CYB5R2: variants seen among roughly 807,000 people sequenced by gnomAD.
CYB5R2 encodes the protein NADH-cytochrome b5 reductase 2.
A neutral mutation model predicts 29.8 loss-of-function variants in CYB5R2; 35 were observed. That is an observed-to-expected ratio of 1.17 (90% CI 0.90 to 1.56). The LOEUF (loss-of-function observed/expected upper bound fraction) is 1.56. CYB5R2 is among the 40% of genes most tolerant of loss of function. CYB5R2 has a pLI of 0.00. For synonymous variants in CYB5R2, 169 were observed against 130.6 expected, an observed-to-expected ratio of 1.29 and a Z score of -2.01; for missense variants, 419 against 346.7, an observed-to-expected ratio of 1.21 and a Z score of -1.66.
intron 7 of CYB5R2, 133 bp from the exon 8 acceptor site, chr11:7,666,683 G>A (rs931780169): frequency 1.7e-5 from 10 of 584,156 alleles, no homozygotes; most frequent in African/African-American, 9.4e-5. Flanking sequence ...CAACTCCCAC[G>A]GCAAACAAGA....
intron 6 of CYB5R2, 131 bp from the exon 7 acceptor site, chr11:7,667,944 G>T (rs1855429841): frequency 2.8e-6 from 2 of 714,594 alleles, no homozygotes; most frequent in East Asian, 5.3e-5. Context: ...AAAACTCAAA[G>T]CAGGAAACAG....
In CYB5R2 at chr11:7,665,514, C is replaced by CA; in HGVS notation, c.690_691insT (p.Asp231Ter). The CA allele has an allele frequency of 6.2e-7, 1 of 1,612,356 alleles. No individual in the cohort carries two copies. Among genetic ancestry groups the CA allele is most frequent in the Non-Finnish European group, 8.5e-7 (1 of 1,179,302 alleles). On this transcript the variant is annotated frameshift_variant, in exon 9 of 9. Coordinates refer to ENST00000299498, the MANE Select transcript of CYB5R2 (RefSeq NM_016229.5). LOFTEE classifies it high-confidence loss of function. ...GGAGGAAGGTGCTCCTTGATCATGTCGGCAGTAACGAAGCCTGAGCTGTAC... is the reference window on the plus strand; with the variant it reads ...GGAGGAAGGTGCTCCTTGATCATGTCAGGCAGTAACGAAGCCTGAGCTGTAC...
At chr11:7,669,869 A>G in intron 3 of CYB5R2, 138 bp from the exon 4 acceptor site, 1 of 700,020 alleles carries the variant, frequency 1.4e-6, no homozygotes, top group Non-Finnish European at 2.5e-6. Context: ...AGAGCAGGGA[A>G]GGAACCCAAA....
chr11:7,673,606 C>T (rs561178248), upstream of CYB5R2: 26 of 985,410 alleles, frequency 2.6e-5, no homozygotes, highest in East Asian at 2.5e-3. Flanking sequence ...CCCGGTCGGA[C>T]GTTCGTTCCC....
At chr11:7,672,917 A>C in intron 1 of CYB5R2, 26 bp from the exon 2 acceptor site, 1 of 1,597,748 alleles carries the variant, frequency 6.3e-7, no homozygotes, top group Non-Finnish European at 8.5e-7. Flanking sequence ...TGAACAGAGC[A>C]CCTCAGGTCT....
chr11:7,668,125 G>T (rs1298546846), intron 6 of CYB5R2, among the ~76,000 whole-genome samples: 2 of 152,232 alleles, frequency 1.3e-5, no homozygotes, highest in African/African-American at 4.8e-5. Context: ...CTGGCACATT[G>T]TATGTCTCCT....
Position 7,665,419 on chromosome 11 carries a change from G to C in CYB5R2, c.786C>G (p.Asn262Lys). 6.2e-7 allele frequency: 1 copy of C among 1,610,448 alleles called. No individual in the cohort carries two copies. Among genetic ancestry groups the C allele is most frequent in the Non-Finnish European group, 8.5e-7 (1 of 1,178,606 alleles). The change falls in exon 9 of 9, where the codon AAC becomes AAG. Residue 262 changes from asparagine to lysine, a missense_variant. Asn to Lys is a moderately conservative substitution (Grantham distance 94). Coordinates refer to ENST00000299498, the MANE Select transcript of CYB5R2 (RefSeq NM_016229.5). ...CCTGGGTATAACCCAGCTTCTCCAGGTTAGGGTGAGCCGCCGTCTGGATTA... is the reference window on the plus strand; with the variant it reads ...CCTGGGTATAACCCAGCTTCTCCAGCTTAGGGTGAGCCGCCGTCTGGATTA... ...PPLIQTAAHPNLEKLGYTQDM... is the reference protein window; with the variant it reads ...PPLIQTAAHPKLEKLGYTQDM...
chr11:7,673,075 T>G, intron 1 of CYB5R2, 184 bp from the exon 2 acceptor site: 2 of 556,300 alleles, frequency 3.6e-6, no homozygotes, highest in Non-Finnish European at 6.2e-6. Flanking sequence ...GACCAGAGGG[T>G]AGGGAGGGGT....
At chr11:7,674,139 G>T (rs1855940288), upstream of CYB5R2, 15 of 1,221,278 alleles carry the variant, frequency 1.2e-5, no homozygotes, top group South Asian at 2.0e-4. Flanking sequence ...GGAGAAGGCC[G>T]TCTGGGTGAC....
intron 4 of CYB5R2, 126 bp downstream of exon 4, chr11:7,669,499 G>T: frequency 8.3e-7 from 1 of 1,209,410 alleles, no homozygotes; most frequent in Non-Finnish European, 1.2e-6. Flanking sequence ...GTTAACTGTA[G>T]CTTCACTGCT....
In CYB5R2 at chr11:7,673,429, C is replaced by T. The variant is rs571145976; in HGVS notation, c.-77G>A. ...CGCATCTGTCCCTACCCTACAAGGC[C>T]GCCCTGCTCCTCTCCCAACTCAAGC... On this transcript the variant is annotated 5_prime_UTR_variant, in exon 1 of 9. Coordinates refer to ENST00000299498, the MANE Select transcript of CYB5R2 (RefSeq NM_016229.5). The T allele has an allele frequency of 2.0e-6, 2 of 988,062 alleles. No homozygotes were observed. The highest frequency in any genetic ancestry group is 2.4e-6 in the Non-Finnish European group (2 of 831,520). 61.2% of individuals were successfully genotyped at this position (988,062 alleles called of 1,614,324 possible).
upstream of CYB5R2, chr11:7,674,245 G>T: frequency 7.8e-7 from 1 of 1,288,788 alleles, no homozygotes; most frequent in Non-Finnish European, 1.0e-6. Flanking sequence ...GCCTACCCTG[G>T]GCCTGGTCCG....
rs2136122611 is a variant in CYB5R2 at position 7,669,282 on chromosome 11, T to G, written c.311A>C (p.Gln104Pro). ...CCCGATTTTCATGTTCTCCAAATAC[T>G]GAGTCATCTTCCCACCTTCAGGATA... ...PQYPEGGKMTQYLENMKIGET... is the reference protein window; with the variant it reads ...PQYPEGGKMTPYLENMKIGET... Residue 104 changes from glutamine (Q) to proline (P), a missense_variant, in exon 5 of 9, where the codon CAG (glutamine) becomes CCG (proline). Transcript: ENST00000299498. 1 of 1,614,142 alleles carries G rather than the reference T, an allele frequency of 6.2e-7. No homozygotes were observed. The highest frequency in any genetic ancestry group is 8.5e-7 in the Non-Finnish European group (1 of 1,179,986).
Position 7,665,342 on chromosome 11 carries a change from G to T in CYB5R2, c.*32C>A. ...AACTTACTCTGAAACAGATGAAAAG[G>T]GACATGCAAAATTGCTGAGCACGTG... On this transcript the variant is annotated 3_prime_UTR_variant, in exon 9 of 9. Coordinates refer to ENST00000299498, the MANE Select transcript of CYB5R2 (RefSeq NM_016229.5). 6.8e-7 allele frequency: 1 copy of T among 1,466,628 alleles called. No individual in the cohort carries two copies. The highest frequency in any genetic ancestry group is 1.4e-5 in the South Asian group (1 of 71,074). The allele number at this position is 1,466,628 out of a possible 1,614,324, so 90.9% of individuals were successfully genotyped here.
intron 7 of CYB5R2, chr11:7,666,771 G>C (rs1590864843): frequency 2.3e-6 from 1 of 435,786 alleles, no homozygotes; most frequent in East Asian, 4.4e-5. Context: ...AACCTCCATG[G>C]GATGTAGGTT....
intron 3 of CYB5R2, chr11:7,670,071 C>CA (rs1855632622): frequency 3.9e-6 from 1 of 258,672 alleles, no homozygotes; most frequent in Admixed American, 5.2e-5. Context: ...TTAAAAATTA[C>CA]AGAAAGGGGT....
rs757301907 is a variant in CYB5R2, at chr11:7,672,827, C to T, written c.-2G>A. 2 of 1,614,060 alleles carry T rather than the reference C, an allele frequency of 1.2e-6. No individual in the cohort carries two copies. The highest frequency in any genetic ancestry group is 2.2e-5 in the South Asian group (2 of 91,072). The stretch of plus-strand genomic sequence containing the variant: ...TGGCTCTCTCCTCCTGGAGTTCATG[C>T]TCTTCAGGACCAACACGAGCACAGT... On this transcript the variant is annotated 5_prime_UTR_variant, in exon 2 of 9. Coordinates refer to ENST00000299498, the MANE Select transcript of CYB5R2 (RefSeq NM_016229.5).
intron 5 of CYB5R2, 104 bp downstream of exon 5, chr11:7,669,101 G>A: frequency 7.1e-7 from 1 of 1,398,924 alleles, no homozygotes; most frequent in African/African-American, 1.4e-5. Context: ...TGAAGACTAA[G>A]GACAACCCCA....
intron 5 of CYB5R2, chr11:7,668,903 T>C (rs1475944469): frequency 3.4e-6 from 2 of 586,466 alleles, no homozygotes; most frequent in East Asian, 6.1e-5. Context: ...CCAAGGAGCA[T>C]GGACTCCCTC....
Sources: gnomAD v4.1 joint callset for allele counts (sites outside exome capture counted in the v4.1 genomes callset) on GRCh38, gnomAD v4.1.1 for gene constraint, MANE v1.5 for transcripts, NCBI Gene and HGNC (gene_info 2026-07-23, HGNC 2026-07-21) for gene names.